DOK6: variants seen among roughly 807,000 people sequenced by gnomAD.
DOK6 encodes the protein docking protein 6.
A neutral mutation model predicts 44.0 loss-of-function variants in DOK6; 22 were observed. The ratio of observed to expected loss-of-function variants is 0.50; its 90% CI spans 0.36 to 0.71. The LOEUF is 0.71. Ranked by LOEUF, DOK6 falls within the 30% of genes least tolerant of loss-of-function variation. The pLI is 0.00. For missense variants in DOK6, 340 were observed against 416.4 expected (o/e 0.82, Z 1.60); for synonymous variants, 166 against 145.5 (o/e 1.14, Z -1.01).
At chr18:69,557,013 A>C (rs1982703669) in intron 1 of DOK6, among the ~76,000 whole-genome samples, 1 of 152,188 alleles carries the variant, frequency 6.6e-6, no homozygotes, top group Non-Finnish European at 1.5e-5. Context: ...TGATTTGTTT[A>C]TTCATTTGTT....
intron 5 of DOK6, among the ~76,000 whole-genome samples, chr18:69,725,753 C>T (rs980212158): frequency 1.4e-4 from 22 of 152,172 alleles, no homozygotes; most frequent in South Asian, 2.1e-4. Flanking sequence ...TCCCAAAGTG[C>T]CGGGATTACA....
At chr18:69,800,872 T>A (rs1215618205) in intron 7 of DOK6, among the ~76,000 whole-genome samples, 1 of 152,198 alleles carries the variant, frequency 6.6e-6, no homozygotes. Flanking sequence ...AATATTTCTT[T>A]AATGATTTTT....
chr18:69,835,869 T>C (rs992406503), intron 7 of DOK6, among the ~76,000 whole-genome samples: 6 of 152,248 alleles, frequency 3.9e-5, no homozygotes, highest in Non-Finnish European at 7.3e-5. Flanking sequence ...TTAAATAGCT[T>C]TACCAGGCCC....
chr18:69,422,170 G>A (rs185285650), intron 1 of DOK6, among the ~76,000 whole-genome samples: 31 of 152,162 alleles, frequency 2.0e-4, no homozygotes, highest in Non-Finnish European at 3.4e-4. Context: ...CCACTGGACC[G>A]CCTTCCCTGT....
intron 1 of DOK6, among the ~76,000 whole-genome samples, chr18:69,539,109 T>C (rs1195331142): frequency 6.6e-6 from 1 of 152,180 alleles, no homozygotes; most frequent in East Asian, 1.9e-4. Context: ...TTAGGCTTTT[T>C]CTTATCAAAC....
At chr18:69,565,446 A>G (rs1982945873) in intron 2 of DOK6, among the ~76,000 whole-genome samples, 1 of 151,416 alleles carries the variant, frequency 6.6e-6, no homozygotes, top group South Asian at 2.1e-4. Flanking sequence ...TGAGCTTGTA[A>G]AACTCTAGGA....
chr18:69,563,207 T>C (rs1228292221), intron 1 of DOK6, among the ~76,000 whole-genome samples: 2 of 152,324 alleles, frequency 1.3e-5, no homozygotes, highest in African/African-American at 2.4e-5. Flanking sequence ...TTGGTGGGAC[T>C]GTAAACTAGT....
At chr18:69,416,130 AAGGG>A (rs1291982979) in intron 1 of DOK6, among the ~76,000 whole-genome samples, 1 of 119,060 alleles carries the variant, frequency 8.4e-6, no homozygotes, top group East Asian at 3.0e-4. Context: ...GGGACGGAGG[AAGGG>A]AGGGAGGGAC....
intron 1 of DOK6, among the ~76,000 whole-genome samples, chr18:69,447,815 G>A (rs1469565666): frequency 1.3e-5 from 2 of 152,168 alleles, no homozygotes; most frequent in African/African-American, 2.4e-5. Context: ...TATTTTAAAA[G>A]TAAACATATC....
chr18:69,410,356 G>A (rs1978300875), intron 1 of DOK6, among the ~76,000 whole-genome samples: 1 of 152,178 alleles, frequency 6.6e-6, no homozygotes, highest in Admixed American at 6.5e-5. Flanking sequence ...TCCCTCAAGT[G>A]CTTTTAATGT....
chr18:69,526,241 CCTCATG>C (rs2144568763), intron 1 of DOK6, among the ~76,000 whole-genome samples: 1 of 152,194 alleles, frequency 6.6e-6, no homozygotes, highest in South Asian at 2.1e-4. Context: ...CTCCATTTCT[CCTCATG>C]CTCCCCTAAC....
At chr18:69,838,805 A>G (rs1341571814) in intron 7 of DOK6, among the ~76,000 whole-genome samples, 2 of 97,872 alleles carry the variant, frequency 2.0e-5, no homozygotes, top group African/African-American at 8.4e-5. Flanking sequence ...CCCCTTCCCT[A>G]ATCCCTTCCC....
rs561175148 is a variant in DOK6 at position 69,741,227 on chromosome 18, C to T, written c.738+2124C>T. ...TTTCTAGAAATTACAAAATCAGAGA[C>T]TCCATCACTTGGCCCATACATGTCA... On this transcript the variant is annotated intron_variant, in intron 6 of 7. Transcript: ENST00000382713. Among the ~76,000 whole-genome samples, 15 of 152,324 alleles carry T rather than the reference C, an allele frequency of 9.8e-5. No individual in the cohort carries two copies. The South Asian group carries it at 1.0e-3, about 11-fold the overall frequency.
At chr18:69,725,600 G>A (rs1164158453) in intron 5 of DOK6, among the ~76,000 whole-genome samples, 1 of 152,150 alleles carries the variant, frequency 6.6e-6, no homozygotes, top group Non-Finnish European at 1.5e-5. Flanking sequence ...CAATTCTCCT[G>A]CCTCAGCCTC....
At chr18:69,499,412 A>G (rs2144547045) in intron 1 of DOK6, among the ~76,000 whole-genome samples, 1 of 152,320 alleles carries the variant, frequency 6.6e-6, no homozygotes, top group Non-Finnish European at 1.5e-5. Context: ...GGCTAGAATT[A>G]GTGTGATAGA....
rs561514203 is a variant in DOK6 at position 69,677,411 on chromosome 18, C to T, written c.290-323C>T. Among the ~76,000 whole-genome samples, 227 of 150,838 alleles carry T rather than the reference C, an allele frequency of 1.5e-3. 2 individuals are homozygous for T. Among genetic ancestry groups the T allele is most frequent in the Non-Finnish European group, 1.1e-3 (76 of 67,702 alleles). On this transcript the variant is annotated intron_variant, in intron 3 of 7. Transcript: ENST00000382713. ...GTATATAAAATGTAAAGCATGATGGCTAATTTATTATTTTAAGTAAATTTT... is the reference window on the plus strand; with the variant it reads ...GTATATAAAATGTAAAGCATGATGGTTAATTTATTATTTTAAGTAAATTTT...
At chr18:69,531,244 T>TAA (rs1981977547) in intron 1 of DOK6, among the ~76,000 whole-genome samples, 1 of 147,326 alleles carries the variant, frequency 6.8e-6, no homozygotes, top group South Asian at 2.1e-4. Context: ...TAAGTATATA[T>TAA]ATAATATATA....
Position 69,455,441 on chromosome 18 carries a change from T to A in DOK6, c.66+54131T>A, listed in dbSNP as rs984513450. 8.5e-5 allele frequency among the ~76,000 whole-genome samples: 13 copies of A among 152,338 alleles called. No homozygotes were observed. The East Asian group carries it at 2.5e-3, about 29-fold the overall frequency. On this transcript the variant is annotated intron_variant, in intron 1 of 7. Coordinates refer to ENST00000382713, the MANE Select transcript of DOK6 (RefSeq NM_152721.6). The stretch of plus-strand genomic sequence containing the variant: ...GTTTATTTTGCATGTGTGTGTTTGT[T>A]TTTAACACATAAAGTGAACATTGAC...
intron 7 of DOK6, among the ~76,000 whole-genome samples, chr18:69,766,975 C>T (rs1281189438): frequency 6.6e-6 from 1 of 152,160 alleles, no homozygotes; most frequent in African/African-American, 2.4e-5. Flanking sequence ...TCCTGTAATT[C>T]CCACACTTTG....
Sources: allele counts gnomAD v4.1 joint callset (sites outside exome capture counted in the v4.1 genomes callset), GRCh38; gene constraint gnomAD v4.1.1; transcripts MANE v1.5; gene names NCBI Gene and HGNC (gene_info 2026-07-23, HGNC 2026-07-21).